Variants in WWP2 observed in about 807,000 individuals in gnomAD.
WWP2 encodes NEDD4-like E3 ubiquitin-protein ligase WWP2.
WWP2 carries 57 observed loss-of-function variants against 121.0 expected under a neutral mutation model. The ratio of observed to expected loss-of-function variants is 0.47; its 90% CI spans 0.38 to 0.59. The LOEUF is 0.59. WWP2 is among the 20% of genes least tolerant of loss of function. The probability of loss-of-function intolerance (pLI) is 0.00; values close to 1 mark genes in which losing one functional copy is unlikely to be tolerated. For missense variants in WWP2, 962 were observed against 1,158.9 expected, an observed-to-expected ratio of 0.83 and a Z score of 2.47; for synonymous variants, 449 against 441.3, an observed-to-expected ratio of 1.02 and a Z score of -0.22.
At chr16:69,813,831 TTGC>T (rs1160868779) in intron 4 of WWP2, among the ~76,000 whole-genome samples, 1 of 152,194 alleles carries the variant, frequency 6.6e-6, no homozygotes, top group Non-Finnish European at 1.5e-5. Context: ...CTCTTCAAGC[TTGC>T]TGCTGTATCT....
rs148940139 is a variant in WWP2 at position 69,937,583 on chromosome 16, C to T, written c.2274C>T (p.Ser758=). ...MLCGMQEIDM[S]DWQKSTIYRH... ...GCGGCATGCAGGAGATAGACATGAG[C>T]GACTGGCAGAAGAGCACCATCTACC... Residue 758 remains serine, a synonymous_variant, in exon 21 of 24, where the codon AGC becomes AGT. Transcript: ENST00000359154. This position sits in a 1 kb window ranked among gnomAD's most constrained non-coding sequence, Gnocchi z 6.6. 8.0e-5 allele frequency: 129 copies of T among 1,613,962 alleles called. No individual in the cohort carries two copies. Among genetic ancestry groups the T allele is most frequent in the Middle Eastern group, 6.6e-4 (4 of 6,060 alleles).
intron 1 of WWP2, among the ~76,000 whole-genome samples, chr16:69,768,630 A>G (rs1409380020): frequency 6.6e-6 from 1 of 152,256 alleles, no homozygotes; most frequent in East Asian, 1.9e-4. Context: ...TAAATAAATA[A>G]AAAATAACAA....
At chr16:69,783,330 T>A (rs571598027) in intron 1 of WWP2, among the ~76,000 whole-genome samples, 1 of 152,086 alleles carries the variant, frequency 6.6e-6, no homozygotes, top group African/African-American at 2.4e-5. Context: ...ATTCTTAGAG[T>A]AATATGGTGA....
At chr16:69,772,343 T>C (rs989212190) in intron 1 of WWP2, among the ~76,000 whole-genome samples, 1 of 152,216 alleles carries the variant, frequency 6.6e-6, no homozygotes, top group Admixed American at 6.5e-5. Context: ...TCCTCCTGTT[T>C]TTAGCCCCAC....
At chr16:69,929,150 T>C (rs1044939378) in intron 11 of WWP2, among the ~76,000 whole-genome samples, 33 of 152,096 alleles carry the variant, frequency 2.2e-4, no homozygotes, top group African/African-American at 7.5e-4. Flanking sequence ...GTTTGAGCTG[T>C]GCTGCTCCCT....
intron 4 of WWP2, among the ~76,000 whole-genome samples, chr16:69,832,305 ATC>A: frequency 6.6e-6 from 1 of 151,270 alleles, no homozygotes; most frequent in Non-Finnish European, 1.5e-5. Context: ...TTCCTGTCTC[ATC>A]TAACTTCCCA....
At chr16:69,842,180 T>C in intron 6 of WWP2, 60 bp downstream of exon 6, 1 of 1,496,870 alleles carries the variant, frequency 6.7e-7, no homozygotes, top group Non-Finnish European at 9.2e-7. Context: ...ATTGAAAACA[T>C]GTTGGGACAT....
In WWP2 at chr16:69,783,643, G is replaced by A. The variant is rs540974480; in HGVS notation, c.-15-3353G>A. On this transcript the variant is annotated intron_variant, in intron 1 of 23. Transcript: ENST00000359154. ...TAGAATGACAGAAGGTATTAATGATGTTGAATAGAACAGGAATTTTGGCCA... is the reference window on the plus strand; with the variant it reads ...TAGAATGACAGAAGGTATTAATGATATTGAATAGAACAGGAATTTTGGCCA... Among the ~76,000 whole-genome samples, 116 of 152,178 alleles carry A rather than the reference G, an allele frequency of 7.6e-4. 1 individual carries two copies. The highest frequency in any genetic ancestry group is 2.8e-3 in the African/African-American group (115 of 41,528).
chr16:69,798,879 A>T, intron 3 of WWP2, 50 bp downstream of exon 3: 1 of 1,602,764 alleles, frequency 6.2e-7, no homozygotes, highest in Non-Finnish European at 8.5e-7. Context: ...GGAAAGAGAG[A>T]GGGTGCTCCG....
chr16:69,773,157 A>G (rs2055453234), intron 1 of WWP2, among the ~76,000 whole-genome samples: 1 of 150,626 alleles, frequency 6.6e-6, no homozygotes, highest in South Asian at 2.1e-4. Context: ...CCTTCATTGT[A>G]TTCTGTTCCT....
chr16:69,925,126 C>T lies in WWP2; in HGVS notation c.1180-304C>T, dbSNP rs1427885790. The T allele has an allele frequency of 3.5e-6, 4 of 1,145,002 alleles. No homozygotes were observed. The highest frequency in any genetic ancestry group is 4.3e-6 in the Non-Finnish European group (4 of 929,912). The allele number at this position is 1,145,002 out of a possible 1,614,324, so 70.9% of individuals were successfully genotyped here. A position where few individuals can be genotyped will look rare whatever the true frequency, so the allele number is the denominator to read the frequency against. On this transcript the variant is annotated intron_variant, in intron 10 of 23. Transcript: ENST00000359154. The surrounding 1 kb of genome is among the most constrained non-coding windows in gnomAD (Gnocchi z 4.0). ...GCCTTCCTACCATGCCAGGGCTGCT[C>T]CCTGCCTCCGCCACCCTGGCACACC...
At chr16:69,846,870 T>C (rs1176190688) in intron 6 of WWP2, among the ~76,000 whole-genome samples, 3 of 152,042 alleles carry the variant, frequency 2.0e-5, no homozygotes, top group Non-Finnish European at 4.4e-5. Context: ...GGGTGGTGGC[T>C]CCCAAGTGTT....
intron 8 of WWP2, among the ~76,000 whole-genome samples, chr16:69,889,475 C>G (rs919850026): frequency 7.2e-5 from 11 of 152,180 alleles, no homozygotes; most frequent in Admixed American, 6.5e-4. Context: ...TGAATCCCCC[C>G]ACCATGTGAC....
chr16:69,777,849 C>T (rs889718928), intron 1 of WWP2, among the ~76,000 whole-genome samples: 6 of 150,026 alleles, frequency 4.0e-5, no homozygotes, highest in African/African-American at 1.5e-4. Flanking sequence ...GGAGGATTGC[C>T]TGAGCTCAAG....
intron 10 of WWP2, among the ~76,000 whole-genome samples, chr16:69,919,174 C>CT (rs1159614989): frequency 3.3e-5 from 5 of 151,542 alleles, no homozygotes; most frequent in African/African-American, 1.2e-4. Flanking sequence ...TTTCTTATTT[C>CT]TTTTTTTTAA....
chr16:69,845,104 A>G (rs1421578283), intron 6 of WWP2, among the ~76,000 whole-genome samples: 1 of 152,116 alleles, frequency 6.6e-6, no homozygotes, highest in Non-Finnish European at 1.5e-5. Flanking sequence ...ATGATTTTGG[A>G]TAAGTCACAA....
rs755244675 is a variant in WWP2, at chr16:69,871,892, G to T, written c.664G>T (p.Val222Phe). The T allele has an allele frequency of 6.2e-6, 10 of 1,614,054 alleles. No homozygotes were observed. Among genetic ancestry groups the T allele is most frequent in the Non-Finnish European group, 6.8e-6 (8 of 1,180,016 alleles). The part of the protein sequence containing the change: ...PGARSRHRQP[V>F]KNSGHSGLAN... ...TGCTCGGAGCCGGCACCGCCAGCCC[G>T]TCAAGAACTCAGGCCACAGTGGCTT... Residue 222 changes from valine (V) to phenylalanine (F), a missense_variant, in exon 7 of 24, where the codon GTC becomes TTC. This residue lies in a region of WWP2 where 211 missense variants were observed against 196.5 expected (regional missense o/e 1.07). Transcript: ENST00000359154.
intron 1 of WWP2, among the ~76,000 whole-genome samples, chr16:69,766,023 A>T (rs1049098555): frequency 3.3e-5 from 5 of 152,140 alleles, no homozygotes; most frequent in African/African-American, 1.2e-4. Context: ...TGTCTAGCCT[A>T]GGCCTGTCTC....
At chr16:69,788,640 C>T (rs996143237) in intron 2 of WWP2, among the ~76,000 whole-genome samples, 1 of 152,238 alleles carries the variant, frequency 6.6e-6, no homozygotes, top group Non-Finnish European at 1.5e-5. Context: ...CCACCTTTCT[C>T]ATTGACTTCA....
Sources: allele counts gnomAD v4.1 joint callset (sites outside exome capture counted in the v4.1 genomes callset), GRCh38; gene constraint gnomAD v4.1.1; regional missense constraint gnomAD v4.1.1; non-coding constraint Gnocchi (gnomAD v3.1); transcripts MANE v1.5; gene names NCBI Gene and HGNC (gene_info 2026-07-23, HGNC 2026-07-21).